Variants in HMGCL observed in about 807,000 individuals in gnomAD.
The protein encoded by HMGCL is 3-hydroxy-3-methylglutaryl-CoA lyase, also known as hydroxymethylglutaryl-CoA lyase, mitochondrial.
In HMGCL, 26 loss-of-function variants were observed where a neutral mutation model predicts 37.3. That is an observed-to-expected ratio of 0.70 (90% CI 0.51 to 0.97). HMGCL has a LOEUF of 0.97. Ranked by LOEUF, HMGCL falls within the 50% of genes least tolerant of loss-of-function variation. The pLI, the probability that HMGCL is intolerant of heterozygous loss-of-function variation, is 0.00. For synonymous variants in HMGCL, 151 were observed against 148.0 expected, an observed-to-expected ratio of 1.02 and a Z score of -0.15; for missense variants, 379 against 398.1, an observed-to-expected ratio of 0.95 and a Z score of 0.41.
chr1:23,810,885 C>A, intron 5 of HMGCL, 86 bp from the exon 6 acceptor site: 1 of 1,070,412 alleles, frequency 9.3e-7, no homozygotes, highest in South Asian at 1.3e-5. Flanking sequence ...ACACACATTT[C>A]TGATCAGTGT....
At chr1:23,814,088 C>A (rs1638570718) in intron 5 of HMGCL, 102 bp downstream of exon 5, 6 of 1,288,598 alleles carry the variant, frequency 4.7e-6, no homozygotes, top group East Asian at 4.6e-5. Flanking sequence ...AGGCTGCCCC[C>A]ACCCAGGATA....
chr1:23,825,360 C>G lies in HMGCL; in HGVS notation c.56G>C (p.Arg19Pro), dbSNP rs377359610. The stretch of plus-strand genomic sequence containing the variant: ...TCGGCGGCTCGGGGCACTTACAGCC[C>G]GGAGGGACGCCAAGCCCACCAGTCG... ...PRRLVGLASL[R>P]AVSTSSMGTL... Residue 19 changes from arginine to proline, a missense_variant, in exon 1 of 9, where the codon CGG (arginine) becomes CCG (proline). By Grantham distance (103) the Arg-to-Pro change is moderately radical (BLOSUM62 -2). Coordinates refer to ENST00000374490, the MANE Select transcript of HMGCL (RefSeq NM_000191.3). 192 of 1,558,296 alleles carry G rather than the reference C, an allele frequency of 1.2e-4. No individual in the cohort carries two copies. Among genetic ancestry groups the G allele is most frequent in the Middle Eastern group, 8.3e-4 (5 of 5,996 alleles).
At chr1:23,820,693 G>T in intron 1 of HMGCL, 100 bp from the exon 2 acceptor site, 2 of 809,272 alleles carry the variant, frequency 2.5e-6, no homozygotes, top group South Asian at 1.4e-5. Context: ...CTAATAATGA[G>T]ACAAGAAGAA....
In HMGCL at chr1:23,818,132, T is replaced by C. The variant is rs552293842; in HGVS notation, c.145-549A>G. Among the ~76,000 whole-genome samples the C allele has an allele frequency of 1.2e-4, 18 of 152,310 alleles. No individual in the cohort carries two copies. In the South Asian group the frequency reaches 3.7e-3, roughly 32 times the overall value. On this transcript the variant is annotated intron_variant, in intron 2 of 8. Coordinates refer to ENST00000374490, the MANE Select transcript of HMGCL (RefSeq NM_000191.3). The stretch of plus-strand genomic sequence containing the variant: ...GCATCAAAAGCTTTCTATGGCTCCC[T>C]AATATTTACAGGATTACGCAAAAAA...
In HMGCL at chr1:23,804,481, G is replaced by C. The variant is rs1488079271; in HGVS notation, c.795C>G (p.Gly265=). The part of the protein sequence containing the change: ...VVDSSVAGLG[G]CPYAQGASGN... ...CTGATGCCCCCTGTGCGTAGGGACA[G>C]CCTCCAAGTCCTGCCACAGAAGAGT... The change falls in exon 8 of 9, where the codon GGC becomes GGG. Residue 265 remains glycine, a synonymous_variant. Transcript: ENST00000374490. 6.2e-7 allele frequency: 1 copy of C among 1,613,936 alleles called. No individual in the cohort carries two copies. The highest frequency in any genetic ancestry group is 1.7e-5 in the Admixed American group (1 of 60,012).
intron 7 of HMGCL, 119 bp from the exon 8 acceptor site, chr1:23,804,644 G>A: frequency 8.9e-7 from 1 of 1,125,180 alleles, no homozygotes; most frequent in Non-Finnish European, 1.3e-6. Context: ...CTTTGCTTTG[G>A]CTTATGATTC....
At chr1:23,803,094 G>A (rs1423263191) in intron 8 of HMGCL, among the ~76,000 whole-genome samples, 3 of 152,148 alleles carry the variant, frequency 2.0e-5, no homozygotes, top group African/African-American at 7.2e-5. Context: ...GAGTGCAATG[G>A]CACGCTCTCA....
intron 7 of HMGCL, 119 bp from the exon 8 acceptor site, chr1:23,804,644 G>T: frequency 8.9e-7 from 1 of 1,125,176 alleles, no homozygotes; most frequent in Non-Finnish European, 1.3e-6. Context: ...CTTTGCTTTG[G>T]CTTATGATTC....
Position 23,810,753 on chromosome 1 carries a change from G to T in HMGCL, c.544C>A (p.Pro182Thr). 1.2e-6 allele frequency: 2 copies of T among 1,613,918 alleles called. No homozygotes were observed. Among genetic ancestry groups the T allele is most frequent in the Non-Finnish European group, 1.7e-6 (2 of 1,179,850 alleles). ...LGCPYEGKIS[P>T]AKVAEVTKKF... ...GCACACACCTCAGCTACTTTAGCTGGGGAGATCTTCCCTTCATAAGGGCAG... is the reference window on the plus strand; with the variant it reads ...GCACACACCTCAGCTACTTTAGCTGTGGAGATCTTCCCTTCATAAGGGCAG... Residue 182 changes from proline (P) to threonine (T), a missense_variant, in exon 6 of 9, where the codon CCA (proline) becomes ACA (threonine). Transcript: ENST00000374490.
intron 1 of HMGCL, among the ~76,000 whole-genome samples, chr1:23,824,977 G>A (rs1638789802): frequency 6.6e-6 from 1 of 152,202 alleles, no homozygotes; most frequent in African/African-American, 2.4e-5. Context: ...ACAACAGTTG[G>A]AAATGGAGAC....
chr1:23,808,275 C>T lies in HMGCL; in HGVS notation c.610G>A (p.Asp204Asn). Residue 204 changes from aspartate (D) to asparagine (N), a missense_variant, in exon 7 of 9, where the codon GAC becomes AAC. Physicochemically the swap from Asp to Asn is conservative, Grantham distance 23 (BLOSUM62 1). Coordinates refer to ENST00000374490, the MANE Select transcript of HMGCL (RefSeq NM_000191.3). ...SMGCYEISLGDTIGVGTPGIM... is the reference protein window; with the variant it reads ...SMGCYEISLGNTIGVGTPGIM... ...CCTGGGGTGCCCACACCAATGGTGTCCCCCAGGGAGATCTCGTAGCAGCCC... is the reference window on the plus strand; with the variant it reads ...CCTGGGGTGCCCACACCAATGGTGTTCCCCAGGGAGATCTCGTAGCAGCCC... 6.2e-7 allele frequency: 1 copy of T among 1,613,960 alleles called. No individual in the cohort carries two copies. Among genetic ancestry groups the T allele is most frequent in the Non-Finnish European group, 8.5e-7 (1 of 1,179,898 alleles).
At chr1:23,815,872 T>C (rs1043174004) in intron 4 of HMGCL, among the ~76,000 whole-genome samples, 1 of 151,472 alleles carries the variant, frequency 6.6e-6, no homozygotes. Flanking sequence ...ACTTTGATTT[T>C]CCCCAAGGAA....
intron 2 of HMGCL, among the ~76,000 whole-genome samples, chr1:23,818,897 C>T (rs114960418): frequency 0.02 from 2,934 of 150,120 alleles, 99 homozygotes; most frequent in African/African-American, 0.068. Context: ...TGCTAGGTGC[C>T]GGGGATATAG....
At chr1:23,803,295 G>A (rs1638327728) in intron 8 of HMGCL, among the ~76,000 whole-genome samples, 1 of 152,060 alleles carries the variant, frequency 6.6e-6, no homozygotes, top group Non-Finnish European at 1.5e-5. Flanking sequence ...TCTGACTCCT[G>A]GGTTCAAGCA....
chr1:23,802,411 G>T lies in HMGCL; in HGVS notation c.*52C>A. On this transcript the variant is annotated 3_prime_UTR_variant, in exon 9 of 9. Coordinates refer to ENST00000374490, the MANE Select transcript of HMGCL (RefSeq NM_000191.3). Reference sequence around the variant, plus strand: ...CCATGTCCCCATCCATGAATCATCTGTGTGTGCCCCTATTTCCACATCATC... The same window carrying T: ...CCATGTCCCCATCCATGAATCATCTTTGTGTGCCCCTATTTCCACATCATC... The T allele has an allele frequency of 9.5e-7, 1 of 1,057,194 alleles. No homozygotes were observed. The highest frequency in any genetic ancestry group is 1.2e-5 in the South Asian group (1 of 80,036). 65.5% of individuals were successfully genotyped at this position (1,057,194 alleles called of 1,614,324 possible).
rs548111111 is a variant in HMGCL, at chr1:23,822,108, A to G, written c.61-1515T>C. On this transcript the variant is annotated intron_variant, in intron 1 of 8. Coordinates refer to ENST00000374490, the MANE Select transcript of HMGCL (RefSeq NM_000191.3). ...TAGTGTTTGGCACCGTGTTTGGTAC[A>G]AAGTAGCCACTCTTTAAAGTTATTA... 3.3e-5 allele frequency among the ~76,000 whole-genome samples: 5 copies of G among 152,226 alleles called. No individual in the cohort carries two copies. In the East Asian group the frequency reaches 9.6e-4, roughly 29 times the overall value.
At chr1:23,823,965 C>T (rs986570652) in intron 1 of HMGCL, among the ~76,000 whole-genome samples, 1 of 151,944 alleles carries the variant, frequency 6.6e-6, no homozygotes, top group Non-Finnish European at 1.5e-5. Flanking sequence ...GAGGCAATAT[C>T]TAAACCTGGC....
intron 2 of HMGCL, among the ~76,000 whole-genome samples, chr1:23,818,501 C>G (rs1396643092): frequency 6.6e-6 from 1 of 152,114 alleles, no homozygotes; most frequent in Non-Finnish European, 1.5e-5. Flanking sequence ...AGGTCCTCCC[C>G]TTGCCTGCCT....
At chr1:23,804,291 T>C in intron 8 of HMGCL, 109 bp downstream of exon 8, 1 of 1,363,596 alleles carries the variant, frequency 7.3e-7, no homozygotes, top group Non-Finnish European at 1.0e-6. Flanking sequence ...TTTCCCTCTT[T>C]ACTCCTCAGC....
Sources: gnomAD v4.1 joint callset for allele counts (sites outside exome capture counted in the v4.1 genomes callset) on GRCh38, gnomAD v4.1.1 for gene constraint, MANE v1.5 for transcripts, NCBI Gene and HGNC (gene_info 2026-07-23, HGNC 2026-07-21) for gene names.